The following GNB1L variants were observed in gnomAD, a reference collection of about 807,000 sequenced individuals.
The protein encoded by GNB1L is G protein subunit beta 1 like.
Under a neutral mutation model 29.1 loss-of-function variants are expected in GNB1L, and 20 were observed. The ratio of observed to expected loss-of-function variants is 0.69; its 90% CI spans 0.48 to 1.00. The LOEUF (loss-of-function observed/expected upper bound fraction) is 1.00. GNB1L is among the 50% of genes least tolerant of loss of function. The pLI is 0.00. For synonymous variants in GNB1L, 193 were observed against 206.5 expected (o/e 0.93, Z 0.56); for missense variants, 421 against 464.9 (o/e 0.91, Z 0.87).
intron 7 of GNB1L, among the ~76,000 whole-genome samples, chr22:19,794,930 G>A (rs140495724): frequency 0.031 from 4,723 of 152,190 alleles, 103 homozygotes; most frequent in Admixed American, 0.066. Flanking sequence ...GCAGTGAGCC[G>A]AGATCACGCC....
rs573675357 is a variant in GNB1L at position 19,783,466 on chromosome 22, C to T, written c.*5243G>A. ...TCGGGAGGCTGAGGCAGGAGGATCA[C>T]TTGAGCCTATTAGTTGGAGGCTGCA... On this transcript the variant is annotated 3_prime_UTR_variant, in exon 8 of 8. Transcript: ENST00000329517. 4 of 275,978 alleles carry T rather than the reference C, an allele frequency of 1.4e-5. No homozygotes were observed. In the Admixed American group the frequency reaches 1.4e-4, roughly 10 times the overall value. 17.1% of individuals were successfully genotyped at this position (275,978 alleles called of 1,614,324 possible).
intron 2 of GNB1L, among the ~76,000 whole-genome samples, chr22:19,839,870 C>T (rs995123258): frequency 6.0e-5 from 9 of 150,948 alleles, no homozygotes; most frequent in African/African-American, 2.2e-4. Flanking sequence ...ACAGAGACTC[C>T]GTCTCAATAA....
chr22:19,832,311 C>A (rs1475886135), intron 2 of GNB1L, among the ~76,000 whole-genome samples: 1 of 152,168 alleles, frequency 6.6e-6, no homozygotes, highest in African/African-American at 2.4e-5. Flanking sequence ...CTCTGGGCAA[C>A]AGAGCAAGAT....
chr22:19,825,386 G>A (rs536716664), intron 2 of GNB1L, among the ~76,000 whole-genome samples: 17 of 151,990 alleles, frequency 1.1e-4, no homozygotes, highest in South Asian at 8.3e-4. Flanking sequence ...TTGGGAGGCC[G>A]AGGTGGGAGG....
intron 4 of GNB1L, among the ~76,000 whole-genome samples, chr22:19,819,620 A>G (rs546765238): frequency 1.1e-3 from 170 of 152,338 alleles, no homozygotes; most frequent in African/African-American, 4.0e-3. Context: ...GGGGGCACCC[A>G]GAAACCTGCC....
At chr22:19,814,049 T>A (rs1394125795) in intron 4 of GNB1L, among the ~76,000 whole-genome samples, 1 of 152,132 alleles carries the variant, frequency 6.6e-6, no homozygotes, top group East Asian at 1.9e-4. Flanking sequence ...GCTGGAACAA[T>A]CTGAGAAATC....
chr22:19,847,334 G>T (rs1009632101), intron 2 of GNB1L: 1 of 985,432 alleles, frequency 1.0e-6, no homozygotes, highest in African/African-American at 1.7e-5. Flanking sequence ...ATCCTGCAGG[G>T]TAACAGCTTT....
At chr22:19,847,804 CAAAAAAA>C (rs34331843) in intron 2 of GNB1L, 96 of 612,316 alleles carry the variant, frequency 1.6e-4, no homozygotes, top group Middle Eastern at 1.8e-3. Flanking sequence ...GAATCATAGG[CAAAAAAA>C]AAAAAAAAAA....
chr22:19,847,676 T>C (rs1227584134), intron 2 of GNB1L: 6 of 985,112 alleles, frequency 6.1e-6, no homozygotes, highest in African/African-American at 1.7e-5. Context: ...ACAGCATGCA[T>C]GTGCCTAGAA....
chr22:19,800,885 C>T (rs1937362244), intron 7 of GNB1L, among the ~76,000 whole-genome samples: 1 of 152,222 alleles, frequency 6.6e-6, no homozygotes, highest in African/African-American at 2.4e-5. Context: ...CTGGTGGTGC[C>T]CACTCAGGGG....
chr22:19,791,303 C>T (rs558751734), intron 7 of GNB1L, among the ~76,000 whole-genome samples: 4 of 151,074 alleles, frequency 2.6e-5, no homozygotes, highest in Admixed American at 6.6e-5. Context: ...AAAGCAAGAA[C>T]AATAGGAAAG....
At position 19,786,372 on chromosome 22, in the gene GNB1L, G is replaced by C. The variant is rs1937191707; in HGVS notation, c.*2337C>G. ...ACCCTGCTTGTGCCTTTGACTGAAAGCACGAGGGCCAGGGGCCAACTCAGG... is the reference window on the plus strand; with the variant it reads ...ACCCTGCTTGTGCCTTTGACTGAAACCACGAGGGCCAGGGGCCAACTCAGG... On this transcript the variant is annotated 3_prime_UTR_variant, in exon 8 of 8. Transcript: ENST00000329517. 1 of 152,290 alleles carries C rather than the reference G, an allele frequency of 6.6e-6. No homozygotes were observed. Among genetic ancestry groups the C allele is most frequent in the Non-Finnish European group, 1.5e-5 (1 of 68,092 alleles). 9.4% of individuals were successfully genotyped at this position (152,290 alleles called of 1,614,324 possible).
rs75823660 is a variant in GNB1L at position 19,806,309 on chromosome 22, A to C, written c.516+350T>G. 2.5e-4 allele frequency among the ~76,000 whole-genome samples: 38 copies of C among 152,380 alleles called. No individual in the cohort carries two copies. In the East Asian group the frequency reaches 6.9e-3, roughly 28 times the overall value. ...AGTCAGCGTGGCCTGCCCTGCCCTA[A>C]GCACGGCCCAAGTACTGAGGCGCTG... is the stretch of plus-strand genomic sequence containing the variant. On this transcript the variant is annotated intron_variant, in intron 6 of 7. Coordinates refer to ENST00000329517, the MANE Select transcript of GNB1L (RefSeq NM_053004.3).
chr22:19,790,642 A>C (rs928035990), intron 7 of GNB1L, among the ~76,000 whole-genome samples: 5 of 152,064 alleles, frequency 3.3e-5, no homozygotes, highest in Non-Finnish European at 5.9e-5. Context: ...ACACCACTGC[A>C]CTCCAGCCTG....
intron 2 of GNB1L, among the ~76,000 whole-genome samples, chr22:19,831,875 C>T (rs531064246): frequency 1.3e-5 from 2 of 151,856 alleles, no homozygotes; most frequent in Admixed American, 6.6e-5. Flanking sequence ...TATGAAAATG[C>T]CCATTAAACA....
intron 7 of GNB1L, among the ~76,000 whole-genome samples, chr22:19,795,826 A>G (rs1937300066): frequency 6.6e-6 from 1 of 152,186 alleles, no homozygotes; most frequent in African/African-American, 2.4e-5. Context: ...TGCTGCTCAG[A>G]GAACGGCCCC....
At chr22:19,819,436 G>A (rs1263759611) in intron 4 of GNB1L, among the ~76,000 whole-genome samples, 6 of 152,318 alleles carry the variant, frequency 3.9e-5, no homozygotes, top group South Asian at 2.1e-4. Context: ...GGCTCAATGC[G>A]GACCCCTGGC....
Position 19,847,368 on chromosome 22 carries a change from G to A in GNB1L, c.-21+7075C>T, listed in dbSNP as rs548615403. 2.1e-4 allele frequency: 208 copies of A among 985,420 alleles called. No homozygotes were observed. In the African/African-American group the frequency reaches 3.5e-3, roughly 17 times the overall value. The allele number at this position is 985,420 out of a possible 1,614,324, so 61.0% of individuals were successfully genotyped here. On this transcript the variant is annotated intron_variant, in intron 2 of 7. Transcript: ENST00000329517. The stretch of plus-strand genomic sequence containing the variant: ...TTATTTGCCTTGCTCCTTTATTGCT[G>A]GATCTTTGGGCTTTTCCAGTTCTGC...
chr22:19,825,517 G>A (rs997568047), intron 2 of GNB1L, among the ~76,000 whole-genome samples: 17 of 152,200 alleles, frequency 1.1e-4, no homozygotes, highest in South Asian at 2.1e-4. Context: ...AGCTACTCAG[G>A]AGGCTGAGGT....
Sources: allele counts gnomAD v4.1 joint callset (sites outside exome capture counted in the v4.1 genomes callset), GRCh38; gene constraint gnomAD v4.1.1; transcripts MANE v1.5; gene names NCBI Gene and HGNC (gene_info 2026-07-23, HGNC 2026-07-21).